ZNF181: variants seen among roughly 807,000 people sequenced by gnomAD.
ZNF181 encodes the protein zinc finger protein 181, also known as zinc finger protein 181 (HHZ181).
A neutral mutation model predicts 11.9 loss-of-function variants in ZNF181; 8 were observed. The observed-to-expected ratio is 0.67, with a 90% CI of 0.39 to 1.21. ZNF181 has a LOEUF of 1.21. ZNF181 is among the 50% of genes most tolerant of loss of function. The pLI is 0.01. For synonymous variants in ZNF181, 202 were observed against 221.1 expected, an observed-to-expected ratio of 0.91 and a Z score of 0.77; for missense variants, 542 against 670.9, an observed-to-expected ratio of 0.81 and a Z score of 2.12.
intron 1 of ZNF181, among the ~76,000 whole-genome samples, chr19:34,735,393 C>T (rs986311534): frequency 6.6e-6 from 1 of 152,192 alleles, no homozygotes; most frequent in Non-Finnish European, 1.5e-5. Flanking sequence ...ATCCTTGATT[C>T]TTCCCTTTGA....
In ZNF181 at chr19:34,739,336, C is replaced by T. The variant is rs764569831; in HGVS notation, c.130+68C>T. 1.5e-4 allele frequency: 245 copies of T among 1,601,300 alleles called. 1 individual carries two copies. The highest frequency in any genetic ancestry group is 2.0e-4 in the Non-Finnish European group (233 of 1,173,492). On this transcript the variant is annotated intron_variant, in intron 2 of 3. Transcript: ENST00000492450. ...TTTTGCCACCCTGAATTGCTGGAGA[C>T]CCTCCTAAGTAAATGGCTGAATTTC... is the stretch of plus-strand genomic sequence containing the variant.
At chr19:34,736,040 G>T in intron 1 of ZNF181, 1 of 690,142 alleles carries the variant, frequency 1.4e-6, no homozygotes, top group Non-Finnish European at 2.6e-6. Context: ...TTCCTGGTGG[G>T]AGGAATCTTT....
intron 1 of ZNF181, among the ~76,000 whole-genome samples, chr19:34,735,494 A>C (rs1340094882): frequency 1.3e-5 from 2 of 152,054 alleles, no homozygotes; most frequent in African/African-American, 4.8e-5. Flanking sequence ...TACCACCACC[A>C]CTACCACCCC....
In ZNF181 at chr19:34,745,238, A is replaced by T. The variant is rs2069022483; in HGVS notation, c.*3141A>T. On this transcript the variant is annotated 3_prime_UTR_variant, in exon 4 of 4. Coordinates refer to ENST00000492450, the MANE Select transcript of ZNF181 (RefSeq NM_001029997.4). ...CCTGAGGTGTGTGTGTGTGAACAGC[A>T]TTAAACTTTGGAGTCATGTTACCTG... The T allele has an allele frequency of 6.6e-6, 1 of 152,174 alleles. No individual in the cohort carries two copies. The highest frequency in any genetic ancestry group is 2.4e-5 in the African/African-American group (1 of 41,442). The allele number at this position is 152,174 out of a possible 1,614,324, so 9.4% of individuals were successfully genotyped here. A position where few individuals can be genotyped will look rare whatever the true frequency, so the allele number is the denominator to read the frequency against.
chr19:34,742,082 A>C lies in ZNF181; in HGVS notation c.1701A>C (p.Arg567Ser), dbSNP rs61730458. 46,932 of 1,570,750 alleles carry C rather than the reference A, an allele frequency of 0.03. 843 individuals are homozygous for C. Among genetic ancestry groups the C allele is most frequent in the Middle Eastern group, 0.057 (331 of 5,802 alleles). ...ACTATACATGTGAGAAATCTTACAG[A>C]AGAGAAACTGTATGAAGCAGTGGTT... The part of the protein sequence containing the change: ...MNHYTCEKSY[R>S]RETV The change falls in exon 4 of 4, where the codon AGA becomes AGC. Residue 567 changes from arginine (R) to serine (S), a missense_variant. Transcript: ENST00000492450.
At chr19:34,738,367 T>G (rs1343004467) in intron 1 of ZNF181, among the ~76,000 whole-genome samples, 1 of 152,158 alleles carries the variant, frequency 6.6e-6, no homozygotes, top group Non-Finnish European at 1.5e-5. Flanking sequence ...TCACTCCTAA[T>G]GATGATGACA....
At position 34,742,157 on chromosome 19, in the gene ZNF181, A is replaced by G. The variant is rs1302577902; in HGVS notation, c.*60A>G. On this transcript the variant is annotated 3_prime_UTR_variant, in exon 4 of 4. Transcript: ENST00000492450. ...CCCTTATTTAACATTAGAAAAATTTATACTGGGGAAAGTCTTATGAATGTG... is the reference window on the plus strand; with the variant it reads ...CCCTTATTTAACATTAGAAAAATTTGTACTGGGGAAAGTCTTATGAATGTG... 6.8e-7 allele frequency: 1 copy of G among 1,479,182 alleles called. No individual in the cohort carries two copies. Among genetic ancestry groups the G allele is most frequent in the African/African-American group, 1.4e-5 (1 of 71,096 alleles). 91.6% of individuals were successfully genotyped at this position (1,479,182 alleles called of 1,614,324 possible). A position where few individuals can be genotyped will look rare whatever the true frequency, so the allele number is the denominator to read the frequency against.
Position 34,740,827 on chromosome 19 carries a change from C to A in ZNF181, c.446C>A (p.Pro149His). ...GCAATTCTCACCTCTAGAGAAAGCC[C>A]CACTGCAGACAGTGTTTACAAATAC... ...RPAILTSRESPTADSVYKYNI... is the reference protein window; with the variant it reads ...RPAILTSRESHTADSVYKYNI... The change falls in exon 4 of 4, where the codon CCC becomes CAC. Residue 149 changes from proline (P) to histidine (H), a missense_variant. Pro to His is a moderately conservative substitution (Grantham distance 77). Transcript: ENST00000492450. 2 of 1,614,022 alleles carry A rather than the reference C, an allele frequency of 1.2e-6. No homozygotes were observed. Among genetic ancestry groups the A allele is most frequent in the Non-Finnish European group, 1.7e-6 (2 of 1,179,976 alleles).
rs2069018141 is a variant in ZNF181, at chr19:34,744,651, C to T, written c.*2554C>T. 6.6e-6 allele frequency: 1 copy of T among 152,142 alleles called. No individual in the cohort carries two copies. The highest frequency in any genetic ancestry group is 1.5e-5 in the Non-Finnish European group (1 of 68,054). The allele number at this position is 152,142 out of a possible 1,614,324, so 9.4% of individuals were successfully genotyped here. On this transcript the variant is annotated 3_prime_UTR_variant, in exon 4 of 4. Transcript: ENST00000492450. ...TTCCAGCCTGGACAGCAGAACACCA[C>T]CCTGTCTCCAAAGTAAATAAATACA...
Position 34,742,444 on chromosome 19 carries a change from G to C in ZNF181, c.*347G>C. 6.1e-6 allele frequency: 1 copy of C among 163,342 alleles called. No homozygotes were observed. The highest frequency in any genetic ancestry group is 1.3e-5 in the Non-Finnish European group (1 of 75,016). 10.1% of individuals were successfully genotyped at this position (163,342 alleles called of 1,614,324 possible). On this transcript the variant is annotated 3_prime_UTR_variant, in exon 4 of 4. Coordinates refer to ENST00000492450, the MANE Select transcript of ZNF181 (RefSeq NM_001029997.4). The stretch of plus-strand genomic sequence containing the variant: ...GTAGAAAATTTAGAAATTGAGGGAA[G>C]TCTTCAGTTCCAAGTATATCCCTTA...
In ZNF181 at chr19:34,741,809, G is replaced by A. The variant is rs1469639037; in HGVS notation, c.1428G>A (p.Leu476=). 1 of 1,613,754 alleles carries A rather than the reference G, an allele frequency of 6.2e-7. No individual in the cohort carries two copies. The highest frequency in any genetic ancestry group is 2.2e-5 in the East Asian group (1 of 44,852). The change falls in exon 4 of 4, where the codon CTG becomes CTA. Residue 476 remains leucine, a synonymous_variant. Transcript: ENST00000492450. ...CGKAFSHRSS[L]LQHHRIHTGE... ...AAGCCTTTAGTCATAGGTCATCCCT[G>A]CTTCAACATCACAGAATTCATACTG... is the stretch of plus-strand genomic sequence containing the variant.
Position 34,742,214 on chromosome 19 carries a change from C to T in ZNF181, c.*117C>T. On this transcript the variant is annotated 3_prime_UTR_variant, in exon 4 of 4. Transcript: ENST00000492450. ...ATAGGAAGACCTTTTAGCAAAGATG[C>T]AGGCCAGTTTGTTTATTAGACTTTA... 1.9e-6 allele frequency: 2 copies of T among 1,048,242 alleles called. No individual in the cohort carries two copies. Among genetic ancestry groups the T allele is most frequent in the South Asian group, 3.7e-5 (2 of 53,946 alleles). 64.9% of individuals were successfully genotyped at this position (1,048,242 alleles called of 1,614,324 possible).
rs1402151189 is a variant in ZNF181, at chr19:34,742,153, A to T, written c.*56A>T. 1.3e-6 allele frequency: 2 copies of T among 1,487,366 alleles called. No homozygotes were observed. Among genetic ancestry groups the T allele is most frequent in the East Asian group, 4.5e-5 (2 of 43,974 alleles). The allele number at this position is 1,487,366 out of a possible 1,614,324, so 92.1% of individuals were successfully genotyped here. On this transcript the variant is annotated 3_prime_UTR_variant, in exon 4 of 4. Transcript: ENST00000492450. ...TTCTCCCTTATTTAACATTAGAAAAATTTATACTGGGGAAAGTCTTATGAA... is the reference window on the plus strand; with the variant it reads ...TTCTCCCTTATTTAACATTAGAAAATTTTATACTGGGGAAAGTCTTATGAA...
At position 34,741,515 on chromosome 19, in the gene ZNF181, A is replaced by G; in HGVS notation, c.1134A>G (p.Glu378=). The G allele has an allele frequency of 6.2e-7, 1 of 1,613,924 alleles. No individual in the cohort carries two copies. The highest frequency in any genetic ancestry group is 8.5e-7 in the Non-Finnish European group (1 of 1,179,930). The stretch of plus-strand genomic sequence containing the variant: ...TCCATACTGGAGAGAAGCCTTATGA[A>G]TGTAGAGAATGTGGGAAAGCTTTCT... ...QKIHTGEKPY[E]CRECGKAFCC... The change falls in exon 4 of 4, where the codon GAA becomes GAG. Residue 378 remains glutamate, a synonymous_variant. Coordinates refer to ENST00000492450, the MANE Select transcript of ZNF181 (RefSeq NM_001029997.4).
chr19:34,740,525 C>A, intron 3 of ZNF181, 86 bp from the exon 4 acceptor site: 1 of 1,331,082 alleles, frequency 7.5e-7, no homozygotes, highest in Non-Finnish European at 1.0e-6. Context: ...ATTTCTAATC[C>A]AGTTCTCCTA....
Position 34,735,085 on chromosome 19 carries a change from A to G in ZNF181, c.9+39A>G. 3 of 1,560,194 alleles carry G rather than the reference A, an allele frequency of 1.9e-6. 1 individual carries two copies. The South Asian group carries it at 3.6e-5, about 18-fold the overall frequency. On this transcript the variant is annotated intron_variant, in intron 1 of 3. Transcript: ENST00000492450. Reference sequence around the variant, plus strand: ...TCCGCAAATCTTCCTGAAACACTTTATCAGGACTGTGTGTTTGCTTTGCTT... The same window carrying G: ...TCCGCAAATCTTCCTGAAACACTTTGTCAGGACTGTGTGTTTGCTTTGCTT...
chr19:34,738,670 G>C (rs1341077816), intron 1 of ZNF181, among the ~76,000 whole-genome samples: 1 of 151,844 alleles, frequency 6.6e-6, no homozygotes, highest in East Asian at 1.9e-4. Context: ...TGGGATTACA[G>C]GTGTGAGCCA....
Position 34,734,860 on chromosome 19 carries a change from C to T in ZNF181, c.-178C>T. ...CTGTTAGTTCCCAGGGAGAGATTGG[C>T]GCCCTGGAGAGTGATTACCAGTGTG... On this transcript the variant is annotated 5_prime_UTR_variant, in exon 1 of 4. Coordinates refer to ENST00000492450, the MANE Select transcript of ZNF181 (RefSeq NM_001029997.4). 2 of 594,934 alleles carry T rather than the reference C, an allele frequency of 3.4e-6. No homozygotes were observed. Among genetic ancestry groups the T allele is most frequent in the Non-Finnish European group, 5.9e-6 (2 of 339,878 alleles). The allele number at this position is 594,934 out of a possible 1,614,324, so 36.9% of individuals were successfully genotyped here.
At position 34,734,834 on chromosome 19, in the gene ZNF181, C is replaced by G. The variant is rs1215377764; in HGVS notation, c.-204C>G. The G allele has an allele frequency of 2.7e-5, 15 of 561,422 alleles. No individual in the cohort carries two copies. In the East Asian group the frequency reaches 2.9e-4, roughly 11 times the overall value. The allele number at this position is 561,422 out of a possible 1,614,324, so 34.8% of individuals were successfully genotyped here. A position where few individuals can be genotyped will look rare whatever the true frequency, so the allele number is the denominator to read the frequency against. Reference sequence around the variant, plus strand: ...ATGGTTAGCCCTTGCGGAGAAACACCCTGTTAGTTCCCAGGGAGAGATTGG... The same window carrying G: ...ATGGTTAGCCCTTGCGGAGAAACACGCTGTTAGTTCCCAGGGAGAGATTGG... On this transcript the variant is annotated 5_prime_UTR_variant, in exon 1 of 4. Transcript: ENST00000492450.
Sources: gnomAD v4.1 joint callset for allele counts (sites outside exome capture counted in the v4.1 genomes callset) on GRCh38, gnomAD v4.1.1 for gene constraint, MANE v1.5 for transcripts, NCBI Gene and HGNC (gene_info 2026-07-23, HGNC 2026-07-21) for gene names.